Variants in PCDHA1 observed in about 807,000 individuals in gnomAD.
PCDHA1 encodes protocadherin alpha-1.
PCDHA1 carries 42 observed loss-of-function variants against 61.3 expected under a neutral mutation model. That is an observed-to-expected ratio of 0.69 (90% CI 0.54 to 0.89). The LOEUF (loss-of-function observed/expected upper bound fraction) is 0.89. Ranked by LOEUF, PCDHA1 falls within the 40% of genes least tolerant of loss-of-function variation. The probability of loss-of-function intolerance (pLI) is 0.00; values close to 1 mark genes in which losing one functional copy is unlikely to be tolerated. For missense variants in PCDHA1, 1,256 were observed against 1,235.3 expected, an observed-to-expected ratio of 1.02 and a Z score of -0.25; for synonymous variants, 610 against 553.8, an observed-to-expected ratio of 1.10 and a Z score of -1.43.
chr5:140,983,924 A>G (rs1554245819), intron 3 of PCDHA1, among the ~76,000 whole-genome samples: 1 of 152,216 alleles, frequency 6.6e-6, no homozygotes, highest in African/African-American at 2.4e-5. Flanking sequence ...AGGATTTGCT[A>G]TTTATGGATG....
At chr5:140,942,580 G>A (rs782743450) in intron 1 of PCDHA1, among the ~76,000 whole-genome samples, 4 of 151,104 alleles carry the variant, frequency 2.6e-5, no homozygotes, top group Non-Finnish European at 5.9e-5. Flanking sequence ...TCCCATATAG[G>A]ATGTCACATA....
intron 1 of PCDHA1, among the ~76,000 whole-genome samples, chr5:140,962,388 C>T (rs782676502): frequency 5.9e-5 from 9 of 152,254 alleles, no homozygotes; most frequent in South Asian, 4.1e-4. Flanking sequence ...GTTAATATTA[C>T]GCAATCTGCC....
chr5:140,883,534 A>G, intron 1 of PCDHA1: 1 of 1,614,196 alleles, frequency 6.2e-7, no homozygotes, highest in Non-Finnish European at 8.5e-7. Context: ...CAGCCTATGA[A>G]CTGGTGGTGA....
intron 3 of PCDHA1, among the ~76,000 whole-genome samples, chr5:140,986,050 T>G (rs1221001446): frequency 6.6e-6 from 1 of 152,226 alleles, no homozygotes; most frequent in Non-Finnish European, 1.5e-5. Flanking sequence ...CACTGATGAA[T>G]TCTTTTGCTT....
chr5:140,818,637 G>A (rs1766406690), intron 1 of PCDHA1, among the ~76,000 whole-genome samples: 1 of 152,188 alleles, frequency 6.6e-6, no homozygotes, highest in Non-Finnish European at 1.5e-5. Flanking sequence ...AGGAGTTCAA[G>A]ATGAGCCTGA....
intron 1 of PCDHA1, chr5:140,788,970 A>T: frequency 2.1e-6 from 1 of 480,680 alleles, no homozygotes; most frequent in Non-Finnish European, 3.4e-6. Context: ...TATTTAACAC[A>T]ATATCTCAAT....
In PCDHA1 at chr5:140,844,364, G is replaced by A. The variant is rs1281881070; in HGVS notation, c.2394+55680G>A. Reference sequence around the variant, plus strand: ...AGTAAAATCAAGAGGGAAGAGATTTGTAATCCTTCTTTTAATTCATTATTT... The same window carrying A: ...AGTAAAATCAAGAGGGAAGAGATTTATAATCCTTCTTTTAATTCATTATTT... On this transcript the variant is annotated intron_variant, in intron 1 of 3. Coordinates refer to ENST00000504120, the MANE Select transcript of PCDHA1 (RefSeq NM_018900.4). Among the ~76,000 whole-genome samples, 3 of 149,238 alleles carry A rather than the reference G, an allele frequency of 2.0e-5. 1 individual carries two copies. The highest frequency in any genetic ancestry group is 4.5e-5 in the Non-Finnish European group (3 of 66,742).
intron 1 of PCDHA1, among the ~76,000 whole-genome samples, chr5:140,789,425 C>G (rs1761528094): frequency 6.6e-6 from 1 of 152,196 alleles, no homozygotes; most frequent in Admixed American, 6.5e-5. Context: ...GCACTCTAAC[C>G]TGGGCGACAG....
At chr5:140,974,779 C>T (rs950634910) in intron 1 of PCDHA1, among the ~76,000 whole-genome samples, 1 of 152,160 alleles carries the variant, frequency 6.6e-6, no homozygotes, top group African/African-American at 2.4e-5. Context: ...TGAGCCACTG[C>T]GCCCAGCCCT....
intron 1 of PCDHA1, among the ~76,000 whole-genome samples, chr5:140,948,536 C>T (rs2094269261): frequency 6.6e-6 from 1 of 151,548 alleles, no homozygotes; most frequent in Admixed American, 6.6e-5. Context: ...TATTTTATTT[C>T]ATGCTCTGTC....
intron 1 of PCDHA1, chr5:140,802,029 G>T (rs1554121830): frequency 6.2e-7 from 1 of 1,614,164 alleles, no homozygotes; most frequent in Admixed American, 1.7e-5. Context: ...TAAGGATATC[G>T]CGTATTCTTT....
At chr5:140,882,832 A>T (rs781961557) in intron 1 of PCDHA1, 1 of 1,614,216 alleles carries the variant, frequency 6.2e-7, no homozygotes, top group Non-Finnish European at 8.5e-7. Flanking sequence ...GTCTTGAGCA[A>T]ATGTCTTCAT....
chr5:140,964,380 C>T (rs891362271), intron 1 of PCDHA1, among the ~76,000 whole-genome samples: 9 of 152,120 alleles, frequency 5.9e-5, no homozygotes, highest in Non-Finnish European at 1.3e-4. Context: ...AAGGAGAGTC[C>T]TGGTTTTTCT....
chr5:140,828,893 G>C (rs2150160291), intron 1 of PCDHA1: 2 of 1,614,238 alleles, frequency 1.2e-6, no homozygotes, highest in Non-Finnish European at 1.7e-6. Flanking sequence ...GAATGCTTCT[G>C]ATCGGGATGA....
At chr5:140,997,044 T>C (rs2097756836) in intron 3 of PCDHA1, among the ~76,000 whole-genome samples, 1 of 152,180 alleles carries the variant, frequency 6.6e-6, no homozygotes, top group South Asian at 2.1e-4. Flanking sequence ...TGAACTTTAC[T>C]TTTTAGAGCA....
chr5:140,841,016 A>G (rs1375684140), intron 1 of PCDHA1, among the ~76,000 whole-genome samples: 1 of 152,070 alleles, frequency 6.6e-6, no homozygotes, highest in African/African-American at 2.4e-5. Context: ...AGACAGTATG[A>G]ATGCCTCTGC....
rs1362509837 is a variant in PCDHA1, at chr5:140,884,388, T to A, written c.2395-94561T>A. On this transcript the variant is annotated intron_variant, in intron 1 of 3. Transcript: ENST00000504120. ...TACTTGATCATTGCCATCTGCGCGG[T>A]GTCCAGCCTGTTGGTGCTCACGTTG... 3 of 1,613,960 alleles carry A rather than the reference T, an allele frequency of 1.9e-6. No individual in the cohort carries two copies. In the Admixed American group the frequency reaches 5.0e-5, roughly 27 times the overall value.
chr5:140,870,825 C>G (rs1554164734), intron 1 of PCDHA1: 1 of 1,613,726 alleles, frequency 6.2e-7, no homozygotes. Flanking sequence ...GCGCGGGAGG[C>G]GCAGTTAACA....
In PCDHA1 at chr5:140,787,833, G is replaced by C; in HGVS notation, c.1543G>C (p.Gly515Arg). The C allele has an allele frequency of 1.2e-6, 2 of 1,612,668 alleles. No individual in the cohort carries two copies. Among genetic ancestry groups the C allele is most frequent in the East Asian group, 2.2e-5 (1 of 44,860 alleles). The stretch of plus-strand genomic sequence containing the variant: ...CTACGTGTCAGTGCACGCGGAGAGC[G>C]GCAAGGTGTACGCACTGCAGCCCCT... ...SNYVSVHAES[G>R]KVYALQPLDH... The change falls in exon 1 of 4, where the codon GGC (glycine) becomes CGC (arginine). Residue 515 changes from glycine to arginine, a missense_variant. Coordinates refer to ENST00000504120, the MANE Select transcript of PCDHA1 (RefSeq NM_018900.4).
Sources: allele counts gnomAD v4.1 joint callset (sites outside exome capture counted in the v4.1 genomes callset), GRCh38; gene constraint gnomAD v4.1.1; transcripts MANE v1.5; gene names NCBI Gene and HGNC (gene_info 2026-07-23, HGNC 2026-07-21).